SUGCT: variants seen among roughly 807,000 people sequenced by gnomAD.
The protein encoded by SUGCT is succinyl-CoA:glutarate-CoA transferase.
A neutral mutation model predicts 55.0 loss-of-function variants in SUGCT; 41 were observed. The observed-to-expected ratio is 0.74, with a 90% CI of 0.58 to 0.97. SUGCT has a LOEUF of 0.97. Ranked by LOEUF, SUGCT falls within the 50% of genes least tolerant of loss-of-function variation. SUGCT has a pLI of 0.00. For synonymous variants in SUGCT, 187 were observed against 200.4 expected (o/e 0.93, Z 0.56); for missense variants, 568 against 547.8 (o/e 1.04, Z -0.37).
At chr7:40,814,775 A>G (rs1472619158) in intron 13 of SUGCT, among the ~76,000 whole-genome samples, 2 of 152,158 alleles carry the variant, frequency 1.3e-5, no homozygotes, top group Non-Finnish European at 2.9e-5. Flanking sequence ...TCATGGTGCC[A>G]GAATTCTTGC....
intron 12 of SUGCT, among the ~76,000 whole-genome samples, chr7:40,743,094 T>A (rs373222523): frequency 6.6e-5 from 10 of 152,204 alleles, no homozygotes; most frequent in African/African-American, 2.2e-4. Context: ...ATGACCATTG[T>A]CCATGCAGAG....
intron 6 of SUGCT, among the ~76,000 whole-genome samples, chr7:40,197,151 G>C (rs1485303631): frequency 2.0e-5 from 3 of 152,022 alleles, no homozygotes; most frequent in South Asian, 4.1e-4. Flanking sequence ...ATTAACTTTT[G>C]TACTGAATGA....
the SUGCT span, among the ~76,000 whole-genome samples, chr7:40,959,524 A>G: frequency 6.6e-6 from 1 of 152,082 alleles, no homozygotes; most frequent in Admixed American, 6.6e-5. Flanking sequence ...CCCCCCACCA[A>G]GCTGGAGTAT....
At chr7:40,716,141 T>C (rs1217721825) in intron 12 of SUGCT, among the ~76,000 whole-genome samples, 1 of 152,150 alleles carries the variant, frequency 6.6e-6, no homozygotes, top group Non-Finnish European at 1.5e-5. Flanking sequence ...GTTCCTGACT[T>C]TAACATATTG....
chr7:40,287,900 TCTGA>T (rs1430429070), intron 8 of SUGCT, among the ~76,000 whole-genome samples: 1 of 152,210 alleles, frequency 6.6e-6, no homozygotes, highest in Non-Finnish European at 1.5e-5. Flanking sequence ...ATGCTATTTC[TCTGA>T]CTATTGACAT....
At chr7:40,952,183 C>T in the SUGCT span, among the ~76,000 whole-genome samples, 2 of 152,112 alleles carry the variant, frequency 1.3e-5, no homozygotes, top group Non-Finnish European at 2.9e-5. Context: ...CTTCTTGTTG[C>T]ATTCATCCCT....
chr7:40,226,455 A>G (rs1477255087), intron 6 of SUGCT, among the ~76,000 whole-genome samples: 2 of 152,186 alleles, frequency 1.3e-5, no homozygotes, highest in Non-Finnish European at 2.9e-5. Flanking sequence ...AGTTCTCACA[A>G]GGGTACTGTC....
At chr7:40,614,926 G>C (rs1798926488) in intron 12 of SUGCT, among the ~76,000 whole-genome samples, 1 of 151,992 alleles carries the variant, frequency 6.6e-6, no homozygotes, top group African/African-American at 2.4e-5. Context: ...CATGGTAGCA[G>C]GTGCCTATAA....
intron 9 of SUGCT, among the ~76,000 whole-genome samples, chr7:40,448,799 C>T (rs1404612109): frequency 6.6e-6 from 1 of 152,046 alleles, no homozygotes; most frequent in African/African-American, 2.4e-5. Context: ...TGAGATCGTG[C>T]CATTGCATTC....
In SUGCT at chr7:40,498,877, C is replaced by G. The variant is rs1027924364; in HGVS notation, c.1089+2491C>G. On this transcript the variant is annotated intron_variant, in intron 12 of 13. Transcript: ENST00000335693. ...TGGGGATCATTAAGTTAAGCTTGCA[C>G]TCTACTATCCTTTTATAAAAATATA... The G allele has an allele frequency of 1.7e-5, 6 of 349,978 alleles. No homozygotes were observed. In the Admixed American group the frequency reaches 2.3e-4, roughly 13 times the overall value. 21.7% of individuals were successfully genotyped at this position (349,978 alleles called of 1,614,324 possible).
intron 13 of SUGCT, among the ~76,000 whole-genome samples, chr7:40,815,704 C>G (rs1037533545): frequency 2.6e-5 from 4 of 152,120 alleles, no homozygotes; most frequent in African/African-American, 9.7e-5. Flanking sequence ...AGTGGGTGCT[C>G]TAAATGCCTG....
chr7:40,891,798 A>C, the SUGCT span, among the ~76,000 whole-genome samples: 3 of 152,168 alleles, frequency 2.0e-5, no homozygotes. Context: ...TCATGAGGTC[A>C]GAAGATTGAG....
At chr7:40,515,471 A>T (rs931495179) in intron 12 of SUGCT, among the ~76,000 whole-genome samples, 1 of 152,100 alleles carries the variant, frequency 6.6e-6, no homozygotes. Context: ...TGGCAGTCGC[A>T]CCCTTCTTCC....
At chr7:40,516,716 T>TAATCAAGACAGAG (rs1231431369) in intron 12 of SUGCT, among the ~76,000 whole-genome samples, 2 of 152,166 alleles carry the variant, frequency 1.3e-5, no homozygotes, top group African/African-American at 4.8e-5. Context: ...TACCACTCTG[T>TAATCAAGACAGAG]CTTGATTACT....
intron 9 of SUGCT, among the ~76,000 whole-genome samples, chr7:40,440,060 T>C (rs1788419792): frequency 6.6e-6 from 1 of 151,582 alleles, no homozygotes; most frequent in Admixed American, 6.6e-5. Context: ...CAGTGTGAAC[T>C]TTCTTCCTAA....
intron 12 of SUGCT, among the ~76,000 whole-genome samples, chr7:40,648,025 A>G (rs553671066): frequency 3.3e-5 from 5 of 152,318 alleles, no homozygotes; most frequent in African/African-American, 1.2e-4. Flanking sequence ...CTATCAGAAG[A>G]TGGGTATAAA....
chr7:40,708,330 A>G (rs1243396338), intron 12 of SUGCT, among the ~76,000 whole-genome samples: 1 of 152,176 alleles, frequency 6.6e-6, no homozygotes, highest in Admixed American at 6.5e-5. Context: ...GGAGAATTGC[A>G]TTGAGTATGT....
chr7:40,902,629 G>A, the SUGCT span, among the ~76,000 whole-genome samples: 1 of 150,224 alleles, frequency 6.7e-6, no homozygotes, highest in Non-Finnish European at 1.5e-5. Flanking sequence ...GAATTAATGA[G>A]AGCAGCCTAT....
At chr7:40,739,989 C>A (rs1787378112) in intron 12 of SUGCT, among the ~76,000 whole-genome samples, 2 of 152,072 alleles carry the variant, frequency 1.3e-5, no homozygotes, top group Admixed American at 6.6e-5. Context: ...TAAACTTATA[C>A]ATTTTGGGAG....
Sources: allele counts gnomAD v4.1 joint callset (sites outside exome capture counted in the v4.1 genomes callset), GRCh38; gene constraint gnomAD v4.1.1; transcripts MANE v1.5; gene names NCBI Gene and HGNC (gene_info 2026-07-23, HGNC 2026-07-21).